NXN: variants seen among roughly 807,000 people sequenced by gnomAD.
The protein encoded by NXN is nucleoredoxin 1.
NXN carries 16 observed loss-of-function variants against 48.6 expected under a neutral mutation model. The observed-to-expected ratio is 0.33, with a 90% CI of 0.22 to 0.50. The LOEUF is 0.50. NXN is among the 20% of genes least tolerant of loss of function. The probability of loss-of-function intolerance (pLI) is 0.98; values close to 1 mark genes in which losing one functional copy is unlikely to be tolerated. For missense variants in NXN, 492 were observed against 605.5 expected, an observed-to-expected ratio of 0.81 and a Z score of 1.97; for synonymous variants, 281 against 269.6, an observed-to-expected ratio of 1.04 and a Z score of -0.41.
At chr17:831,498 T>A (rs981345427) in intron 1 of NXN, among the ~76,000 whole-genome samples, 1 of 150,210 alleles carries the variant, frequency 6.7e-6, no homozygotes, top group East Asian at 2.0e-4. Flanking sequence ...TGAGATGGAG[T>A]CTTGCTCTGT....
intron 1 of NXN, among the ~76,000 whole-genome samples, chr17:899,803 T>C (rs1157200923): frequency 6.6e-6 from 1 of 152,100 alleles, no homozygotes; most frequent in Non-Finnish European, 1.5e-5. Context: ...GGCAGGAGGA[T>C]AGCCTGAGCC....
At chr17:914,941 G>A (rs1042350631) in intron 1 of NXN, among the ~76,000 whole-genome samples, 1 of 152,200 alleles carries the variant, frequency 6.6e-6, no homozygotes, top group African/African-American at 2.4e-5. Flanking sequence ...AAAAATTTCA[G>A]AGTTGATTTT....
intron 1 of NXN, among the ~76,000 whole-genome samples, chr17:863,086 A>G (rs965208601): frequency 3.3e-5 from 5 of 152,188 alleles, no homozygotes; most frequent in African/African-American, 9.7e-5. Flanking sequence ...CATATACTGA[A>G]GTCCCACAAT....
At position 849,530 on chromosome 17, in the gene NXN, A is replaced by T. The variant is rs1253806174; in HGVS notation, c.361-23452T>A. Reference sequence around the variant, plus strand: ...CCTGGACGACAGACAAAAAAAAAAGATGGGAGCTTCCCAACCAGCGTGCTA... The same window carrying T: ...CCTGGACGACAGACAAAAAAAAAAGTTGGGAGCTTCCCAACCAGCGTGCTA... On this transcript the variant is annotated intron_variant, in intron 1 of 7. Coordinates refer to ENST00000336868, the MANE Select transcript of NXN (RefSeq NM_022463.5). This position sits in a 1 kb window ranked among gnomAD's most constrained non-coding sequence, Gnocchi z 4.2. 6.6e-6 allele frequency among the ~76,000 whole-genome samples: 1 copy of T among 150,724 alleles called. No individual in the cohort carries two copies. The highest frequency in any genetic ancestry group is 6.6e-5 in the Admixed American group (1 of 15,192).
chr17:979,313 G>C lies in NXN; in HGVS notation c.360+6C>G, dbSNP rs1434004184. 6.6e-7 allele frequency: 1 copy of C among 1,511,276 alleles called. No homozygotes were observed. The highest frequency in any genetic ancestry group is 1.9e-5 in the Admixed American group (1 of 53,334). 93.6% of individuals were successfully genotyped at this position (1,511,276 alleles called of 1,614,324 possible). ...GGCAGGGGCCGGCGAGGCCCGCGCC[G>C]CTCACCTTCCTGTGCTTCTCCTTGT... On this transcript the variant is annotated splice_donor_region_variant and intron_variant, in intron 1 of 7. Transcript: ENST00000336868.
intron 1 of NXN, among the ~76,000 whole-genome samples, chr17:883,011 C>A (rs941123432): frequency 6.6e-6 from 1 of 152,132 alleles, no homozygotes; most frequent in African/African-American, 2.4e-5. Flanking sequence ...ATCTTGGCCT[C>A]CTAAAGCATT....
chr17:805,020 T>TCCCCCCCCCCACCCACC, intron 6 of NXN, 48 bp downstream of exon 6: 1 of 1,512,880 alleles, frequency 6.6e-7, no homozygotes, highest in Non-Finnish European at 9.0e-7. Flanking sequence ...GCCCCTCCTG[T>TCCCCCCCCCCACCCACC]CCCGCCCCCC....
At chr17:841,258 G>A (rs373577238) in intron 1 of NXN, among the ~76,000 whole-genome samples, 1 of 152,200 alleles carries the variant, frequency 6.6e-6, no homozygotes, top group Non-Finnish European at 1.5e-5. Context: ...AGGGCAACAG[G>A]CCCCGCATGC....
At chr17:948,573 C>G (rs1158732542) in intron 1 of NXN, among the ~76,000 whole-genome samples, 1 of 151,940 alleles carries the variant, frequency 6.6e-6, no homozygotes, top group Non-Finnish European at 1.5e-5. Context: ...GAACAAGCAG[C>G]CTGGGAAAGG....
At chr17:902,865 G>A (rs1156727222) in intron 1 of NXN, among the ~76,000 whole-genome samples, 4 of 149,474 alleles carry the variant, frequency 2.7e-5, no homozygotes, top group Non-Finnish European at 5.9e-5. Flanking sequence ...TATAACCTCC[G>A]CCTCCCGGGT....
intron 5 of NXN, among the ~76,000 whole-genome samples, chr17:807,983 C>T (rs1381568448): frequency 6.6e-6 from 1 of 152,184 alleles, no homozygotes; most frequent in Admixed American, 6.5e-5. Context: ...ACCCCCAGGT[C>T]ACCCAGCCAG....
At chr17:848,046 A>T (rs576666836) in intron 1 of NXN, among the ~76,000 whole-genome samples, 1 of 152,082 alleles carries the variant, frequency 6.6e-6, no homozygotes, top group East Asian at 1.9e-4. Context: ...ATGAAACACT[A>T]CGAATTAAGC....
At chr17:895,261 C>A (rs2068466429) in intron 1 of NXN, among the ~76,000 whole-genome samples, 1 of 151,760 alleles carries the variant, frequency 6.6e-6, no homozygotes, top group South Asian at 2.1e-4. Flanking sequence ...AGGTGATCTG[C>A]CTGCCCCAGC....
intron 1 of NXN, among the ~76,000 whole-genome samples, chr17:957,371 C>T (rs1028956862): frequency 2.0e-5 from 3 of 151,662 alleles, no homozygotes; most frequent in Admixed American, 2.0e-4. Context: ...CAGGGGCTCA[C>T]TTCGGCCATC....
At chr17:979,110 G>T (rs1455902242) in intron 1 of NXN, among the ~76,000 whole-genome samples, 2 of 21,144 alleles carry the variant, frequency 9.5e-5, no homozygotes, top group East Asian at 6.3e-4. Flanking sequence ...AGCGCGGAAG[G>T]GGGGGGGGCA....
chr17:853,435 G>A (rs2067946794), intron 1 of NXN, among the ~76,000 whole-genome samples: 2 of 151,940 alleles, frequency 1.3e-5, no homozygotes, highest in Non-Finnish European at 2.9e-5. Context: ...CTGACAGAGT[G>A]AGACTCTGCC....
intron 1 of NXN, among the ~76,000 whole-genome samples, chr17:964,807 G>GAA: frequency 6.6e-6 from 1 of 152,342 alleles, no homozygotes; most frequent in East Asian, 1.9e-4. Flanking sequence ...ATCAGCACAA[G>GAA]GACAGTGGGC....
intron 1 of NXN, among the ~76,000 whole-genome samples, chr17:945,821 T>G (rs1404259251): frequency 6.6e-6 from 1 of 152,166 alleles, no homozygotes; most frequent in East Asian, 1.9e-4. Context: ...GAATCCAGAG[T>G]ATTCTGCCCT....
chr17:841,990 GC>G (rs1219382809), intron 1 of NXN, among the ~76,000 whole-genome samples: 3 of 152,066 alleles, frequency 2.0e-5, no homozygotes, highest in African/African-American at 7.2e-5. Context: ...GCAAAAATGA[GC>G]CGGGTGTGGT....
Sources: gnomAD v4.1 joint callset for allele counts (sites outside exome capture counted in the v4.1 genomes callset) on GRCh38, gnomAD v4.1.1 for gene constraint, Gnocchi (gnomAD v3.1) non-coding constraint, MANE v1.5 for transcripts, NCBI Gene and HGNC (gene_info 2026-07-23, HGNC 2026-07-21) for gene names.